CHD9: variants seen among roughly 807,000 people sequenced by gnomAD.
The protein encoded by CHD9 is chromodomain helicase DNA binding protein 9.
A neutral mutation model predicts 316.1 loss-of-function variants in CHD9; 77 were observed. The observed-to-expected ratio is 0.24, with a 90% CI of 0.20 to 0.29. The LOEUF (loss-of-function observed/expected upper bound fraction) is 0.29. CHD9 is among the 10% of genes least tolerant of loss of function. The pLI, the probability that CHD9 is intolerant of heterozygous loss-of-function variation, is 1.00. For synonymous variants in CHD9, 1,129 were observed against 1,158.3 expected (o/e 0.97, Z 0.51); for missense variants, 2,763 against 3,438.1 (o/e 0.80, Z 4.91).
chr16:53,127,308 T>G (rs1302586000), intron 1 of CHD9, among the ~76,000 whole-genome samples: 1 of 152,312 alleles, frequency 6.6e-6, no homozygotes, highest in East Asian at 1.9e-4. Flanking sequence ...AGTGAACAGG[T>G]ACTACAGCAT....
chr16:53,088,520 C>T (rs144442188), intron 1 of CHD9, among the ~76,000 whole-genome samples: 2,187 of 151,916 alleles, frequency 0.014, 55 homozygotes, highest in African/African-American at 0.05. Context: ...CCTCCTGATC[C>T]ACCCTCCTCG....
chr16:53,170,049 GT>G (rs1402669050), intron 2 of CHD9, among the ~76,000 whole-genome samples: 4 of 127,738 alleles, frequency 3.1e-5, no homozygotes, highest in Non-Finnish European at 5.3e-5. Context: ...GTTTTTTTTT[GT>G]TTTTTTTTGT....
chr16:53,172,421 T>C (rs901111041), intron 2 of CHD9, among the ~76,000 whole-genome samples: 9 of 152,230 alleles, frequency 5.9e-5, no homozygotes, highest in African/African-American at 2.2e-4. Flanking sequence ...AATTTGTTCG[T>C]TCACCTGATG....
At chr16:53,154,487 C>A (rs142513666) in intron 1 of CHD9, among the ~76,000 whole-genome samples, 1,831 of 152,276 alleles carry the variant, frequency 0.012, 23 homozygotes, top group Non-Finnish European at 0.019. Flanking sequence ...TACTATGCAT[C>A]TTCTAGAGAA....
intron 1 of CHD9, among the ~76,000 whole-genome samples, chr16:53,109,112 CCTAT>C (rs1241276200): frequency 6.6e-6 from 1 of 152,036 alleles, no homozygotes; most frequent in Non-Finnish European, 1.5e-5. Context: ...AAGAATGGTT[CCTAT>C]CTCTCATGCC....
intron 38 of CHD9, 77 bp from the exon 39 acceptor site, chr16:53,323,943 G>T (rs2057428090): frequency 8.2e-7 from 1 of 1,218,210 alleles, no homozygotes; most frequent in Non-Finnish European, 1.2e-6. Context: ...ATTTTTCATG[G>T]TTATTTGTAT....
intron 2 of CHD9, among the ~76,000 whole-genome samples, chr16:53,159,092 T>C (rs1019776322): frequency 1.3e-5 from 2 of 152,156 alleles, no homozygotes; most frequent in Admixed American, 6.5e-5. Flanking sequence ...CTGGACCATG[T>C]AACGATACTC....
intron 2 of CHD9, among the ~76,000 whole-genome samples, chr16:53,200,839 C>T (rs1027711382): frequency 3.3e-5 from 5 of 152,166 alleles, no homozygotes; most frequent in African/African-American, 9.7e-5. Flanking sequence ...TAATAAGACA[C>T]TGACATCATC....
chr16:53,147,365 A>G (rs973858331), intron 1 of CHD9, among the ~76,000 whole-genome samples: 5 of 152,230 alleles, frequency 3.3e-5, no homozygotes, highest in African/African-American at 7.2e-5. Context: ...TGTAAGATCC[A>G]TTTGACAAAA....
At position 53,247,325 on chromosome 16, in the gene CHD9, G is replaced by A. The variant is rs1166090941; in HGVS notation, c.3487G>A (p.Asp1163Asn). 6.2e-7 allele frequency: 1 copy of A among 1,603,918 alleles called. No homozygotes were observed. Among genetic ancestry groups the A allele is most frequent in the South Asian group, 1.1e-5 (1 of 89,086 alleles). Residue 1163 changes from aspartate to asparagine, a missense_variant, in exon 16 of 39, where the codon GAT (aspartate) becomes AAT (asparagine). By Grantham distance (23) the Asp-to-Asn change is conservative. Transcript: ENST00000447540. ...GGAGAAAATACTTGGAGAATTTAGA[G>A]ATACTTACAATCCAGCTGCTTCTGA... ...AEEKILGEFR[D>N]TYNPAASDFH...
intron 24 of CHD9, among the ~76,000 whole-genome samples, chr16:53,282,751 A>G (rs1486665849): frequency 2.6e-5 from 4 of 152,178 alleles, no homozygotes; most frequent in Non-Finnish European, 5.9e-5. Flanking sequence ...TGATGGATAT[A>G]CCATAGTGCT....
intron 2 of CHD9, among the ~76,000 whole-genome samples, chr16:53,165,392 T>C (rs2042205192): frequency 1.3e-5 from 2 of 152,192 alleles, no homozygotes; most frequent in African/African-American, 2.4e-5. Flanking sequence ...TTGTTATAGA[T>C]GAATAAATTT....
At chr16:53,253,157 ATC>A (rs1297486439) in intron 17 of CHD9, among the ~76,000 whole-genome samples, 3 of 152,160 alleles carry the variant, frequency 2.0e-5, no homozygotes, top group Non-Finnish European at 4.4e-5. Flanking sequence ...CCAAATGCCC[ATC>A]AATCAATGAG....
At chr16:53,290,667 A>C (rs1377927458) in intron 27 of CHD9, among the ~76,000 whole-genome samples, 1 of 152,070 alleles carries the variant, frequency 6.6e-6, no homozygotes, top group Non-Finnish European at 1.5e-5. Flanking sequence ...AGTCCCAGCT[A>C]CTCAGGAGGC....
intron 3 of CHD9, among the ~76,000 whole-genome samples, chr16:53,217,850 C>G (rs928257498): frequency 1.3e-5 from 2 of 151,944 alleles, no homozygotes; most frequent in African/African-American, 4.8e-5. Flanking sequence ...AAGTCTTCTC[C>G]CACTTCAGTC....
intron 1 of CHD9, among the ~76,000 whole-genome samples, chr16:53,115,381 C>T (rs1369888908): frequency 6.6e-6 from 1 of 152,218 alleles, no homozygotes; most frequent in Non-Finnish European, 1.5e-5. Context: ...TGACCCATCA[C>T]CCCTAAGTCT....
intron 31 of CHD9, 68 bp downstream of exon 31, chr16:53,304,693 C>CTTTT (rs376929117): frequency 2.9e-5 from 22 of 769,510 alleles, no homozygotes; most frequent in Admixed American, 4.2e-5. Flanking sequence ...CTTTTCTTTT[C>CTTTT]TTTTTTTTTT....
At chr16:53,232,248 A>T (rs1434752729) in intron 10 of CHD9, among the ~76,000 whole-genome samples, 1 of 152,150 alleles carries the variant, frequency 6.6e-6, no homozygotes, top group Non-Finnish European at 1.5e-5. Context: ...TCAGAGAGGA[A>T]TGAGTCAAGG....
In CHD9 at chr16:53,325,514, G is replaced by A. The variant is rs191540547; in HGVS notation, c.*619G>A. 2.6e-5 allele frequency: 4 copies of A among 152,594 alleles called. No homozygotes were observed. Among genetic ancestry groups the A allele is most frequent in the Admixed American group, 2.0e-4 (3 of 15,288 alleles). 9.5% of individuals were successfully genotyped at this position (152,594 alleles called of 1,614,324 possible). A position where few individuals can be genotyped will look rare whatever the true frequency, so the allele number is the denominator to read the frequency against. ...GAGTTAGTTTAGGAAGTTTACATTC[G>A]TTTCTAATTCTATACTTGTTTTCAG... On this transcript the variant is annotated 3_prime_UTR_variant, in exon 39 of 39. Transcript: ENST00000447540.
Sources: gnomAD v4.1 joint callset for allele counts (sites outside exome capture counted in the v4.1 genomes callset) on GRCh38, gnomAD v4.1.1 for gene constraint, MANE v1.5 for transcripts, NCBI Gene and HGNC (gene_info 2026-07-23, HGNC 2026-07-21) for gene names.